The following LARGE1 variants were observed in gnomAD, a reference collection of about 807,000 sequenced individuals.
LARGE1 encodes the protein xylosyl- and glucuronyltransferase LARGE1.
In LARGE1, 43 loss-of-function variants were observed where a neutral mutation model predicts 87.6. The observed-to-expected ratio is 0.49, with a 90% confidence interval of 0.38 to 0.63. The LOEUF is 0.63. Among genes scored for constraint, LARGE1 ranks in the 30% least tolerant of loss-of-function variants. The pLI is 0.00. For synonymous variants in LARGE1, 434 were observed against 394.6 expected (o/e 1.10, Z -1.18); for missense variants, 802 against 1,000.2 (o/e 0.80, Z 2.67).
At chr22:33,656,062 T>A (rs1490389054) in intron 2 of LARGE1, among the ~76,000 whole-genome samples, 1 of 147,194 alleles carries the variant, frequency 6.8e-6, no homozygotes, top group Non-Finnish European at 1.5e-5. Context: ...AGCATGAGTG[T>A]GTGTGTGTGT....
chr22:33,904,119 G>C (rs566999337), intron 1 of LARGE1, among the ~76,000 whole-genome samples: 12 of 152,218 alleles, frequency 7.9e-5, no homozygotes, highest in African/African-American at 2.9e-4. Flanking sequence ...AATTCAAATA[G>C]GACTGACTTC....
At chr22:33,449,624 C>T (rs957690021) in intron 6 of LARGE1, among the ~76,000 whole-genome samples, 1 of 152,232 alleles carries the variant, frequency 6.6e-6, no homozygotes, top group Non-Finnish European at 1.5e-5. Context: ...GCTTCCTTAA[C>T]ATCCTCAGTG....
chr22:33,466,521 T>G (rs1306403719), intron 6 of LARGE1, among the ~76,000 whole-genome samples: 1 of 152,106 alleles, frequency 6.6e-6, no homozygotes, highest in Non-Finnish European at 1.5e-5. Context: ...GCATTAAATT[T>G]GAAGATATTT....
chr22:33,830,191 T>A (rs1182987926), intron 1 of LARGE1, among the ~76,000 whole-genome samples: 1 of 151,954 alleles, frequency 6.6e-6, no homozygotes, highest in Non-Finnish European at 1.5e-5. Context: ...GGCCACTCTG[T>A]CTTCAAGAGA....
At chr22:33,114,165 C>G in the LARGE1 span, among the ~76,000 whole-genome samples, 2 of 151,880 alleles carry the variant, frequency 1.3e-5, no homozygotes, top group Non-Finnish European at 2.9e-5. Flanking sequence ...CGTGAGCCAC[C>G]GCGCCCGGCC....
At position 33,911,828 on chromosome 22, in the gene LARGE1, T is replaced by C. The variant is rs981347054; in HGVS notation, c.-83+8167A>G. On this transcript the variant is annotated intron_variant, in intron 1 of 14. Transcript: ENST00000397394. ...GAGAATTCATTCTGCTGATCTGAAA[T>C]ATCCTTCACATTTTTAAAACAAAAG... is the stretch of plus-strand genomic sequence containing the variant. 2.6e-5 allele frequency among the ~76,000 whole-genome samples: 4 copies of C among 151,966 alleles called. No individual in the cohort carries two copies. In the East Asian group the frequency reaches 7.7e-4, roughly 29 times the overall value.
the LARGE1 span, among the ~76,000 whole-genome samples, chr22:33,117,070 C>T: frequency 5.9e-5 from 9 of 152,174 alleles, no homozygotes; most frequent in Non-Finnish European, 8.8e-5. Flanking sequence ...GCCTAGAGGC[C>T]TCTCTGAGTC....
At chr22:33,892,406 T>C (rs2065028465) in intron 1 of LARGE1, among the ~76,000 whole-genome samples, 1 of 152,170 alleles carries the variant, frequency 6.6e-6, no homozygotes, top group African/African-American at 2.4e-5. Flanking sequence ...TCAAGATCTT[T>C]TAAGGCATAG....
intron 1 of LARGE1, among the ~76,000 whole-genome samples, chr22:33,886,229 T>C (rs1411068948): frequency 6.6e-6 from 1 of 152,084 alleles, no homozygotes; most frequent in Non-Finnish European, 1.5e-5. Context: ...CATTTTCCTC[T>C]CCTACACTTG....
chr22:33,664,718 G>T (rs896316819), intron 2 of LARGE1, among the ~76,000 whole-genome samples: 1 of 152,184 alleles, frequency 6.6e-6, no homozygotes, highest in African/African-American at 2.4e-5. Context: ...ACAGAAATTA[G>T]CTAGGTATGG....
chr22:33,874,991 G>T lies in LARGE1; in HGVS notation c.-83+45004C>A, dbSNP rs543257171. ...TCCAAGATGACATGACTAAGCAGAG[G>T]ATACAGGATTCACCCCAGGCAGTCT... On this transcript the variant is annotated intron_variant, in intron 1 of 14. Coordinates refer to ENST00000397394, the MANE Select transcript of LARGE1 (RefSeq NM_133642.5). Among the ~76,000 whole-genome samples the T allele has an allele frequency of 7.2e-5, 11 of 152,262 alleles. No individual in the cohort carries two copies. In the South Asian group the frequency reaches 2.3e-3, roughly 32 times the overall value.
Position 33,839,504 on chromosome 22 carries a change from C to G in LARGE1, c.-82-77946G>C, listed in dbSNP as rs1488355252. Reference sequence around the variant, plus strand: ...TTCCTCAACCCCTGGCAGAGAAGATCCCCATTTACACATATGTTGGAACAA... The same window carrying G: ...TTCCTCAACCCCTGGCAGAGAAGATGCCCATTTACACATATGTTGGAACAA... On this transcript the variant is annotated intron_variant, in intron 1 of 14. Coordinates refer to ENST00000397394, the MANE Select transcript of LARGE1 (RefSeq NM_133642.5). 2.6e-5 allele frequency among the ~76,000 whole-genome samples: 4 copies of G among 152,316 alleles called. No individual in the cohort carries two copies. In the South Asian group the frequency reaches 6.2e-4, roughly 24 times the overall value.
chr22:33,882,039 T>TTG (rs1022112396), intron 1 of LARGE1, among the ~76,000 whole-genome samples: 20 of 148,778 alleles, frequency 1.3e-4, no homozygotes, highest in African/African-American at 5.1e-4. Context: ...GTTTTTGTTT[T>TTG]TTTTTGTTTT....
intron 7 of LARGE1, among the ~76,000 whole-genome samples, chr22:33,410,338 C>A (rs1010224803): frequency 3.9e-5 from 6 of 152,126 alleles, no homozygotes; most frequent in East Asian, 1.9e-4. Context: ...TTGGCTGTGT[C>A]CCCAGCCAAA....
At chr22:33,429,012 A>C (rs9607046) in intron 7 of LARGE1, among the ~76,000 whole-genome samples, 7,401 of 151,302 alleles carry the variant, frequency 0.049, 263 homozygotes, top group Non-Finnish European at 0.077. Flanking sequence ...GTTGCATAAG[A>C]AGACTAAATG....
Position 33,565,005 on chromosome 22 carries a change from C to T in LARGE1, c.630G>A (p.Trp210Ter). 1 of 1,614,038 alleles carries T rather than the reference C, an allele frequency of 6.2e-7. No homozygotes were observed. Among genetic ancestry groups the T allele is most frequent in the Non-Finnish European group, 8.5e-7 (1 of 1,180,000 alleles). Residue 210 changes from tryptophan (W) to a stop codon, truncating the protein, a stop_gained, in exon 6 of 15, where the codon TGG (tryptophan) becomes TGA (stop). Coordinates refer to ENST00000397394, the MANE Select transcript of LARGE1 (RefSeq NM_133642.5). LOFTEE classifies it high-confidence loss of function. ...NADELKSEVS[W>*]IPNKHYSGIY... ...TCCCAGAGTAATGTTTATTGGGGAT[C>T]CAGGAAACTTCAGACTAGACAGAAC... is the stretch of plus-strand genomic sequence containing the variant.
chr22:33,110,357 G>A, the LARGE1 span: 13 of 152,310 alleles, frequency 8.5e-5, 1 homozygote, highest in South Asian at 2.3e-3. Context: ...AGAAATGAGC[G>A]TACGTTTTGA....
chr22:33,878,912 T>C (rs1425389702), intron 1 of LARGE1, among the ~76,000 whole-genome samples: 1 of 152,176 alleles, frequency 6.6e-6, no homozygotes, highest in Non-Finnish European at 1.5e-5. Context: ...GGATGCATGA[T>C]ATTCAGATGC....
intron 5 of LARGE1, among the ~76,000 whole-genome samples, chr22:33,592,673 CTA>C (rs768812323): frequency 2.8e-4 from 42 of 150,244 alleles, no homozygotes; most frequent in African/African-American, 7.9e-4. Context: ...ACATATCACT[CTA>C]TGTGTAACTC....
Sources: gnomAD v4.1 joint callset for allele counts (sites outside exome capture counted in the v4.1 genomes callset) on GRCh38, gnomAD v4.1.1 for gene constraint, MANE v1.5 for transcripts, NCBI Gene and HGNC (gene_info 2026-07-23, HGNC 2026-07-21) for gene names.